The following AGBL4 variants were observed in gnomAD, a reference collection of about 807,000 sequenced individuals.
The protein encoded by AGBL4 is AGBL carboxypeptidase 4, also known as cytosolic carboxypeptidase 6.
In AGBL4, 58 loss-of-function variants were observed where a neutral mutation model predicts 66.4. That is an observed-to-expected ratio of 0.87 (90% CI 0.71 to 1.09). The LOEUF is 1.09. AGBL4 is among the 50% of genes least tolerant of loss of function. AGBL4 has a pLI of 0.00. For missense variants in AGBL4, 579 were observed against 631.0 expected (o/e 0.92, Z 0.88); for synonymous variants, 234 against 222.9 (o/e 1.05, Z -0.44).
At position 49,700,251 on chromosome 1, in the gene AGBL4, T is replaced by C. The variant is rs1647062393; in HGVS notation, c.158-2814A>G. ...CATTACTAGAAATGAATAGGGGTAT[T>C]TCATTTTGAAAAAGGGTAATTCCAC... On this transcript the variant is annotated intron_variant, in intron 2 of 13. Transcript: ENST00000371839. 1.3e-5 allele frequency among the ~76,000 whole-genome samples: 2 copies of C among 151,322 alleles called. 1 individual carries two copies. The highest frequency in any genetic ancestry group is 4.2e-4 in the South Asian group (2 of 4,782).
chr1:49,500,371 T>C (rs935928909), intron 3 of AGBL4, among the ~76,000 whole-genome samples: 1 of 151,442 alleles, frequency 6.6e-6, no homozygotes, highest in Non-Finnish European at 1.5e-5. Flanking sequence ...AGAAGCTTTT[T>C]ATTTTTAGTT....
Position 48,665,413 on chromosome 1 carries a change from T to C in AGBL4, c.635-2172A>G, listed in dbSNP as rs190593619. ...GCTCGAGGACTGGCTATTGAATTAA[T>C]AAATAAAAATACTTGTGTAGAAGAT... On this transcript the variant is annotated intron_variant, in intron 6 of 13. Transcript: ENST00000371839. Among the ~76,000 whole-genome samples, 886 of 152,330 alleles carry C rather than the reference T, an allele frequency of 5.8e-3. 5 individuals are homozygous for C. Among genetic ancestry groups the C allele is most frequent in the Non-Finnish European group, 9.3e-3 (630 of 68,022 alleles).
intron 4 of AGBL4, among the ~76,000 whole-genome samples, chr1:49,113,738 C>T (rs868685002): frequency 2.6e-5 from 4 of 152,146 alleles, no homozygotes; most frequent in South Asian, 2.1e-4. Flanking sequence ...ATGGATGTAG[C>T]GTTAGCAGGC....
chr1:49,690,758 T>C (rs758332178), intron 3 of AGBL4, among the ~76,000 whole-genome samples: 7 of 152,198 alleles, frequency 4.6e-5, no homozygotes, highest in Non-Finnish European at 1.0e-4. Flanking sequence ...ATTAGAAGTA[T>C]AGTAATATTA....
At chr1:49,673,243 T>A (rs953452123) in intron 3 of AGBL4, among the ~76,000 whole-genome samples, 1 of 152,188 alleles carries the variant, frequency 6.6e-6, no homozygotes, top group African/African-American at 2.4e-5. Flanking sequence ...ATAAATTTCT[T>A]ATTCTTTCCA....
intron 3 of AGBL4, among the ~76,000 whole-genome samples, chr1:49,345,747 C>T (rs1645623180): frequency 6.6e-6 from 1 of 152,098 alleles, no homozygotes; most frequent in South Asian, 2.1e-4. Context: ...TTTCTCTCTG[C>T]CTGATTTCTC....
At chr1:49,008,039 A>G (rs570827390) in intron 5 of AGBL4, among the ~76,000 whole-genome samples, 2 of 152,186 alleles carry the variant, frequency 1.3e-5, no homozygotes, top group Non-Finnish European at 2.9e-5. Context: ...ATTAACTTTA[A>G]ATGTAAATGG....
At chr1:49,601,541 T>C (rs1431711259) in intron 3 of AGBL4, among the ~76,000 whole-genome samples, 2 of 152,078 alleles carry the variant, frequency 1.3e-5, no homozygotes, top group African/African-American at 4.8e-5. Flanking sequence ...ATCTCAGAAA[T>C]ACCACCACAC....
intron 4 of AGBL4, among the ~76,000 whole-genome samples, chr1:49,149,738 A>C (rs1646290732): frequency 6.6e-6 from 1 of 152,202 alleles, no homozygotes; most frequent in Non-Finnish European, 1.5e-5. Context: ...ACCAGTGTTA[A>C]GTAAATAGTA....
At chr1:49,798,616 G>C (rs1276350592) in intron 2 of AGBL4, among the ~76,000 whole-genome samples, 1 of 152,094 alleles carries the variant, frequency 6.6e-6, no homozygotes, top group East Asian at 1.9e-4. Context: ...TTCATCTACT[G>C]ACTGACATAT....
intron 5 of AGBL4, among the ~76,000 whole-genome samples, chr1:48,867,540 T>A (rs1044122654): frequency 9.2e-5 from 14 of 152,076 alleles, no homozygotes; most frequent in African/African-American, 3.1e-4. Flanking sequence ...ACAGAGAAGG[T>A]CCCTTTCCAG....
intron 6 of AGBL4, among the ~76,000 whole-genome samples, chr1:48,757,339 AC>A (rs1643990021): frequency 6.6e-6 from 1 of 152,216 alleles, no homozygotes; most frequent in Non-Finnish European, 1.5e-5. Flanking sequence ...ACAAATTTTT[AC>A]ATTTATGATT....
intron 4 of AGBL4, among the ~76,000 whole-genome samples, chr1:49,181,825 T>A (rs1001966210): frequency 3.9e-5 from 6 of 152,222 alleles, no homozygotes; most frequent in Non-Finnish European, 5.9e-5. Flanking sequence ...CCATCATAAA[T>A]CTGGTTTTGC....
At chr1:49,622,290 G>A (rs1176752023) in intron 3 of AGBL4, among the ~76,000 whole-genome samples, 1 of 152,166 alleles carries the variant, frequency 6.6e-6, no homozygotes, top group Admixed American at 6.5e-5. Context: ...AATTTTGATA[G>A]TTACTTCATC....
At chr1:48,676,281 G>A (rs1458888118) in intron 6 of AGBL4, among the ~76,000 whole-genome samples, 1 of 152,268 alleles carries the variant, frequency 6.6e-6, no homozygotes, top group Admixed American at 6.5e-5. Flanking sequence ...GCTTGAGTGG[G>A]GGGTCTGAAG....
chr1:49,782,897 C>T (rs916380378), intron 2 of AGBL4, among the ~76,000 whole-genome samples: 2 of 152,174 alleles, frequency 1.3e-5, no homozygotes, highest in Admixed American at 1.3e-4. Context: ...AGCCATAAAC[C>T]AATAAATTTC....
At chr1:49,485,848 G>C (rs1180485000) in intron 3 of AGBL4, among the ~76,000 whole-genome samples, 1 of 151,882 alleles carries the variant, frequency 6.6e-6, no homozygotes, top group Non-Finnish European at 1.5e-5. Context: ...TGCAGGGGAT[G>C]TAGAGAGCCT....
At chr1:48,988,113 C>A (rs1660315611) in intron 5 of AGBL4, among the ~76,000 whole-genome samples, 1 of 152,114 alleles carries the variant, frequency 6.6e-6, no homozygotes. Flanking sequence ...GGGGAAAATT[C>A]ATCCATCTTC....
At chr1:49,114,920 T>C (rs540190427) in intron 4 of AGBL4, among the ~76,000 whole-genome samples, 1 of 152,238 alleles carries the variant, frequency 6.6e-6, no homozygotes, top group African/African-American at 2.4e-5. Context: ...GCAGATATAA[T>C]AATAATGAAA....
Sources: allele counts gnomAD v4.1 joint callset (sites outside exome capture counted in the v4.1 genomes callset), GRCh38; gene constraint gnomAD v4.1.1; transcripts MANE v1.5; gene names NCBI Gene and HGNC (gene_info 2026-07-23, HGNC 2026-07-21).